PAXBP1: variants seen among roughly 807,000 people sequenced by gnomAD.
The protein encoded by PAXBP1 is PAX3- and PAX7-binding protein 1.
PAXBP1 carries 44 observed loss-of-function variants against 119.9 expected under a neutral mutation model. The ratio of observed to expected loss-of-function variants is 0.37; its 90% CI spans 0.29 to 0.47. PAXBP1 has a LOEUF of 0.47. PAXBP1 is among the 20% of genes least tolerant of loss of function. The pLI, the probability that PAXBP1 is intolerant of heterozygous loss-of-function variation, is 0.99. For missense variants in PAXBP1, 898 were observed against 1,134.1 expected, an observed-to-expected ratio of 0.79 and a Z score of 2.99; for synonymous variants, 393 against 406.6, an observed-to-expected ratio of 0.97 and a Z score of 0.40.
rs1473628088 is a variant in PAXBP1, at chr21:32,734,242, C to G, written c.*708G>C. The G allele has an allele frequency of 6.6e-6, 1 of 152,650 alleles. No individual in the cohort carries two copies. The highest frequency in any genetic ancestry group is 1.5e-5 in the Non-Finnish European group (1 of 68,070). The allele number at this position is 152,650 out of a possible 1,614,324, so 9.5% of individuals were successfully genotyped here. On this transcript the variant is annotated 3_prime_UTR_variant, in exon 18 of 18. Transcript: ENST00000331923. Reference sequence around the variant, plus strand: ...CATGAATGAGACAGGACGGTCAGCCCAAAACCATGCAATTAGGTTGTGGGT... The same window carrying G: ...CATGAATGAGACAGGACGGTCAGCCGAAAACCATGCAATTAGGTTGTGGGT...
intron 11 of PAXBP1, among the ~76,000 whole-genome samples, chr21:32,746,383 A>ATC (rs2043872080): frequency 1.3e-5 from 2 of 152,214 alleles, no homozygotes; most frequent in African/African-American, 4.8e-5. Context: ...CAAAGGTCTA[A>ATC]TATCCAGAGT....
chr21:32,766,310 C>T (rs1003207228), intron 2 of PAXBP1, among the ~76,000 whole-genome samples: 19 of 152,086 alleles, frequency 1.2e-4, no homozygotes, highest in Non-Finnish European at 2.5e-4. Flanking sequence ...AAACACAAGC[C>T]GAAAGCATGG....
At chr21:32,747,497 C>T (rs2043892193) in intron 11 of PAXBP1, among the ~76,000 whole-genome samples, 1 of 152,196 alleles carries the variant, frequency 6.6e-6, no homozygotes, top group African/African-American at 2.4e-5. Context: ...CTCATGCACA[C>T]AGCAAAACTT....
intron 13 of PAXBP1, among the ~76,000 whole-genome samples, chr21:32,744,393 G>A (rs1035866109): frequency 4.6e-5 from 7 of 151,982 alleles, no homozygotes; most frequent in African/African-American, 1.5e-4. Context: ...CATGGGCCAC[G>A]GGTTGGACAA....
chr21:32,755,560 C>CGG, intron 7 of PAXBP1: 1 of 437,952 alleles, frequency 2.3e-6, no homozygotes, highest in Non-Finnish European at 3.9e-6. Context: ...GCTATAATGT[C>CGG]CAGTGCCTAG....
In PAXBP1 at chr21:32,771,747, G is replaced by C; in HGVS notation, c.-79C>G. On this transcript the variant is annotated 5_prime_UTR_variant, in exon 1 of 18. Coordinates refer to ENST00000331923, the MANE Select transcript of PAXBP1 (RefSeq NM_016631.4). ...GCGCCGAGCTCGTGACGGCGCACGC[G>C]CGCTCTCCGGAGCTCCAGCCGGGTC... is the stretch of plus-strand genomic sequence containing the variant. The C allele has an allele frequency of 1.6e-6, 2 of 1,225,684 alleles. No homozygotes were observed. The highest frequency in any genetic ancestry group is 2.1e-6 in the Non-Finnish European group (2 of 956,208). The allele number at this position is 1,225,684 out of a possible 1,614,324, so 75.9% of individuals were successfully genotyped here.
At chr21:32,764,604 T>C (rs1411972403) in intron 2 of PAXBP1, 80 bp from the exon 3 acceptor site, 18 of 1,144,954 alleles carry the variant, frequency 1.6e-5, no homozygotes, top group South Asian at 7.6e-5. Context: ...ATTGACATCA[T>C]TAAAAATTTT....
At chr21:32,760,504 A>G (rs2044121519) in intron 5 of PAXBP1, among the ~76,000 whole-genome samples, 2 of 152,224 alleles carry the variant, frequency 1.3e-5, no homozygotes, top group African/African-American at 4.8e-5. Flanking sequence ...AACTGGGAAG[A>G]TATTTTTCAT....
intron 15 of PAXBP1, 120 bp downstream of exon 15, chr21:32,743,128 T>G (rs1457176614): frequency 5.2e-6 from 4 of 774,518 alleles, no homozygotes; most frequent in Non-Finnish European, 9.1e-6. Context: ...ATGGAGATTT[T>G]GGGTATAGAT....
intron 2 of PAXBP1, among the ~76,000 whole-genome samples, chr21:32,766,884 G>A (rs1374638066): frequency 1.3e-5 from 2 of 152,180 alleles, no homozygotes; most frequent in South Asian, 4.1e-4. Context: ...CACTTTTCCT[G>A]ACTTTTCTTG....
intron 10 of PAXBP1, among the ~76,000 whole-genome samples, chr21:32,749,982 C>T (rs1034482631): frequency 5.3e-5 from 8 of 151,986 alleles, no homozygotes; most frequent in African/African-American, 1.9e-4. Context: ...CAAAATAACC[C>T]ATAAAAATAG....
At chr21:32,745,784 A>G in intron 11 of PAXBP1, 66 bp from the exon 12 acceptor site, 1 of 1,573,900 alleles carries the variant, frequency 6.4e-7, no homozygotes. Flanking sequence ...CAGCTATGAT[A>G]AGAGAAACAA....
intron 7 of PAXBP1, among the ~76,000 whole-genome samples, chr21:32,757,406 G>A (rs959685192): frequency 4.6e-5 from 7 of 152,042 alleles, no homozygotes; most frequent in Admixed American, 6.6e-5. Context: ...ATGAAGCTAT[G>A]TCTACCTCTC....
Position 32,759,192 on chromosome 21 carries a change from G to A in PAXBP1, c.1271C>T (p.Thr424Ile), listed in dbSNP as rs191429217. ...CCCTTCTAATCTTTCAATAGCCCTG[G>A]TAGAGTCCACTCGGCTTTGCAGATG... ...EKHLQSRVDSTRAIERLEGSS... is the reference protein window; with the variant it reads ...EKHLQSRVDSIRAIERLEGSS... Residue 424 changes from threonine (T) to isoleucine (I), a missense_variant, in exon 7 of 18, where the codon ACC (threonine) becomes ATC (isoleucine). Thr to Ile is a moderately conservative substitution (Grantham distance 89). Coordinates refer to ENST00000331923, the MANE Select transcript of PAXBP1 (RefSeq NM_016631.4). The A allele has an allele frequency of 1.2e-6, 2 of 1,613,988 alleles. No homozygotes were observed. The highest frequency in any genetic ancestry group is 2.2e-5 in the East Asian group (1 of 44,880).
intron 8 of PAXBP1, 73 bp from the exon 9 acceptor site, chr21:32,751,291 G>T: frequency 7.1e-7 from 1 of 1,402,968 alleles, no homozygotes; most frequent in Non-Finnish European, 1.0e-6. Flanking sequence ...CACAGAATAA[G>T]CCATTACGAC....
rs185366708 is a variant in PAXBP1, at chr21:32,745,022, A to G, written c.2069-109T>C. The G allele has an allele frequency of 3.4e-4, 415 of 1,229,356 alleles. 2 individuals are homozygous for G. Among genetic ancestry groups the G allele is most frequent in the Middle Eastern group, 4.2e-4 (2 of 4,802 alleles). The allele number at this position is 1,229,356 out of a possible 1,614,324, so 76.2% of individuals were successfully genotyped here. ...CCTAATTTATTTTTCCTCTTTTTCT[A>G]CAATATAAGCTTTAGTCTTCTTTGT... On this transcript the variant is annotated intron_variant, in intron 12 of 17. Coordinates refer to ENST00000331923, the MANE Select transcript of PAXBP1 (RefSeq NM_016631.4).
intron 15 of PAXBP1, chr21:32,741,328 CAA>C (rs2043780526): frequency 2.3e-6 from 1 of 443,208 alleles, no homozygotes; most frequent in South Asian, 3.5e-5. Flanking sequence ...AAATTACTGA[CAA>C]GAGGCAAATT....
intron 7 of PAXBP1, among the ~76,000 whole-genome samples, chr21:32,757,210 T>C (rs1347905193): frequency 6.6e-6 from 1 of 152,194 alleles, no homozygotes; most frequent in Non-Finnish European, 1.5e-5. Flanking sequence ...TATTATAGTA[T>C]AATTATTCAA....
chr21:32,744,366 G>A (rs1286508835), intron 13 of PAXBP1, among the ~76,000 whole-genome samples: 2 of 151,758 alleles, frequency 1.3e-5, no homozygotes, highest in Admixed American at 1.3e-4. Flanking sequence ...ATTCAAAGCC[G>A]TCCTGGGCCA....
Sources: gnomAD v4.1 joint callset for allele counts (sites outside exome capture counted in the v4.1 genomes callset) on GRCh38, gnomAD v4.1.1 for gene constraint, MANE v1.5 for transcripts, NCBI Gene and HGNC (gene_info 2026-07-23, HGNC 2026-07-21) for gene names.